CDK5RAP1: variants seen among roughly 807,000 people sequenced by gnomAD.
CDK5RAP1 encodes CDK5RAP1 mitochondrial tRNA methylthiotransferase.
In CDK5RAP1, 62 loss-of-function variants were observed where a neutral mutation model predicts 64.5. The observed-to-expected ratio is 0.96, with a 90% confidence interval of 0.78 to 1.19. The LOEUF is 1.19. Among genes scored for constraint, CDK5RAP1 ranks in the 50% most tolerant of loss-of-function variants. CDK5RAP1 has a pLI of 0.00. For synonymous variants in CDK5RAP1, 250 were observed against 261.9 expected, an observed-to-expected ratio of 0.95 and a Z score of 0.44; for missense variants, 657 against 735.0, an observed-to-expected ratio of 0.89 and a Z score of 1.23.
At chr20:33,393,585 C>A (rs1268178470) in intron 4 of CDK5RAP1, among the ~76,000 whole-genome samples, 8 of 152,090 alleles carry the variant, frequency 5.3e-5, no homozygotes, top group Non-Finnish European at 1.2e-4. Flanking sequence ...ATGTCTTGAA[C>A]ACAGAAACAA....
chr20:33,392,100 T>A (rs1209295865), intron 5 of CDK5RAP1, 42 bp downstream of exon 5: 11 of 1,253,068 alleles, frequency 8.8e-6, no homozygotes, highest in Non-Finnish European at 1.3e-5. Flanking sequence ...CCACATAAAG[T>A]CCAAGTTTCA....
intron 8 of CDK5RAP1, among the ~76,000 whole-genome samples, chr20:33,379,019 G>C (rs1045714782): frequency 6.6e-6 from 1 of 151,868 alleles, no homozygotes. Context: ...GTGCGATCTC[G>C]GCTCACTGCA....
chr20:33,387,661 T>G, intron 5 of CDK5RAP1, 128 bp from the exon 6 acceptor site: 1 of 682,728 alleles, frequency 1.5e-6, no homozygotes, highest in Non-Finnish European at 2.5e-6. Context: ...AAGAATTGAG[T>G]ATCATCCTTC....
intron 3 of CDK5RAP1, among the ~76,000 whole-genome samples, chr20:33,394,477 TC>T (rs2146719378): frequency 6.6e-6 from 1 of 150,706 alleles, no homozygotes; most frequent in Admixed American, 6.6e-5. Context: ...ACTATTTTTT[TC>T]CTTTTTTTTT....
chr20:33,388,525 T>TCC (rs1987761174), intron 5 of CDK5RAP1, among the ~76,000 whole-genome samples: 1 of 121,912 alleles, frequency 8.2e-6, no homozygotes, highest in African/African-American at 3.3e-5. Flanking sequence ...CCTCTCCCTC[T>TCC]CCCTCTCCCC....
intron 11 of CDK5RAP1, among the ~76,000 whole-genome samples, chr20:33,368,467 T>TC (rs1229721406): frequency 7.1e-6 from 1 of 140,982 alleles, no homozygotes; most frequent in Non-Finnish European, 1.5e-5. Context: ...TAATTTTTTT[T>TC]TTTTTTTTTT....
chr20:33,359,052 T>C lies in CDK5RAP1; in HGVS notation c.1755A>G (p.Ala585=), dbSNP rs779114750. The change falls in exon 14 of 14, where the codon GCA becomes GCG. Residue 585 remains alanine (A), a synonymous_variant. Coordinates refer to ENST00000346416, the MANE Select transcript of CDK5RAP1 (RefSeq NM_016408.4). The part of the protein sequence containing the change: ...LCRTTLRDSS[A]YC The stretch of plus-strand genomic sequence containing the variant: ...AGGCCATCCTCTCAGGTCAGCAATA[T>C]GCAGAAGAGTCCCTCAGAGTGGTCC... The C allele has an allele frequency of 1.9e-6, 3 of 1,612,112 alleles. No homozygotes were observed. The highest frequency in any genetic ancestry group is 1.7e-5 in the Admixed American group (1 of 59,986).
chr20:33,395,425 T>C (rs534626441), intron 2 of CDK5RAP1, among the ~76,000 whole-genome samples: 1 of 152,104 alleles, frequency 6.6e-6, no homozygotes, highest in Non-Finnish European at 1.5e-5. Context: ...CAGGGCAACA[T>C]AGGGAGACCC....
chr20:33,370,366 G>T, intron 11 of CDK5RAP1, 133 bp downstream of exon 11: 1 of 844,892 alleles, frequency 1.2e-6, no homozygotes, highest in Non-Finnish European at 1.8e-6. Context: ...AAAATGAACG[G>T]AAGTGAATCG....
chr20:33,379,714 G>T, intron 7 of CDK5RAP1, 23 bp from the exon 8 acceptor site: 1 of 1,552,060 alleles, frequency 6.4e-7, no homozygotes, highest in Non-Finnish European at 8.8e-7. Flanking sequence ...AAATATATTG[G>T]AATTTTAAAA....
intron 5 of CDK5RAP1, among the ~76,000 whole-genome samples, chr20:33,391,834 A>C (rs549034479): frequency 6.6e-6 from 1 of 152,052 alleles, no homozygotes; most frequent in Admixed American, 6.5e-5. Flanking sequence ...GAAAAAAAAA[A>C]AAGAAATTCA....
At chr20:33,377,340 T>C (rs1055548618) in intron 8 of CDK5RAP1, among the ~76,000 whole-genome samples, 3 of 152,224 alleles carry the variant, frequency 2.0e-5, no homozygotes, top group South Asian at 2.1e-4. Context: ...ACCTTCAGCA[T>C]TGATCTTAGC....
At chr20:33,384,693 G>A (rs1987190642) in intron 7 of CDK5RAP1, among the ~76,000 whole-genome samples, 1 of 152,108 alleles carries the variant, frequency 6.6e-6, no homozygotes. Flanking sequence ...CTTGATCCCA[G>A]GAGTTCTAGA....
At chr20:33,362,037 G>C (rs897872002) in intron 12 of CDK5RAP1, among the ~76,000 whole-genome samples, 18 of 151,882 alleles carry the variant, frequency 1.2e-4, no homozygotes, top group African/African-American at 3.9e-4. Context: ...TCAAGTGGTG[G>C]GACATATGTG....
At chr20:33,380,692 C>T (rs1370937828) in intron 7 of CDK5RAP1, among the ~76,000 whole-genome samples, 1 of 152,074 alleles carries the variant, frequency 6.6e-6, no homozygotes, top group Non-Finnish European at 1.5e-5. Context: ...ACTAGTCTTT[C>T]TATTTGTCTG....
At chr20:33,399,653 G>A (rs1989216462) in intron 1 of CDK5RAP1, among the ~76,000 whole-genome samples, 1 of 152,168 alleles carries the variant, frequency 6.6e-6, no homozygotes, top group Admixed American at 6.5e-5. Flanking sequence ...TGGTTTCATG[G>A]AAGACAATTT....
chr20:33,375,440 A>G (rs1308299806), intron 8 of CDK5RAP1, among the ~76,000 whole-genome samples: 1 of 151,890 alleles, frequency 6.6e-6, no homozygotes, highest in African/African-American at 2.4e-5. Flanking sequence ...AAAAGAAAAC[A>G]TAAAGAGAAC....
Position 33,374,128 on chromosome 20 carries a change from C to G in CDK5RAP1, c.1192G>C (p.Ala398Pro). 1.2e-6 allele frequency: 2 copies of G among 1,613,176 alleles called. No individual in the cohort carries two copies. Among genetic ancestry groups the G allele is most frequent in the Non-Finnish European group, 1.7e-6 (2 of 1,179,128 alleles). Residue 398 changes from alanine (A) to proline (P), a missense_variant, in exon 9 of 14, where the codon GCC (alanine) becomes CCC (proline). Transcript: ENST00000346416. Reference protein sequence around the residue: ...AQSGSSRVLEAMRRGYSREAY... With the variant: ...AQSGSSRVLEPMRRGYSREAY... ...AGCAAGCCTGACCCCCTCCGCATGG[C>G]CTCCAACACACGGCTGCTTCCACTC...
At chr20:33,378,777 C>A (rs1986355534) in intron 8 of CDK5RAP1, among the ~76,000 whole-genome samples, 1 of 152,132 alleles carries the variant, frequency 6.6e-6, no homozygotes, top group African/African-American at 2.4e-5. Flanking sequence ...TGGGCTGTTT[C>A]CCAGAGCACC....
Sources: gnomAD v4.1 joint callset for allele counts (sites outside exome capture counted in the v4.1 genomes callset) on GRCh38, gnomAD v4.1.1 for gene constraint, MANE v1.5 for transcripts, NCBI Gene and HGNC (gene_info 2026-07-23, HGNC 2026-07-21) for gene names.